NBAS: variants seen among roughly 807,000 people sequenced by gnomAD.
NBAS encodes NAG/BC035112 fusion.
In NBAS, 219 loss-of-function variants were observed where a neutral mutation model predicts 302.5. The observed-to-expected ratio is 0.72, with a 90% CI of 0.65 to 0.81. NBAS has a LOEUF of 0.81. NBAS is among the 30% of genes least tolerant of loss of function. The pLI, the probability that NBAS is intolerant of heterozygous loss-of-function variation, is 0.00. For synonymous variants in NBAS, 1,118 were observed against 1,021.6 expected, an observed-to-expected ratio of 1.09 and a Z score of -1.80; for missense variants, 2,932 against 2,841.6, an observed-to-expected ratio of 1.03 and a Z score of -0.72.
At position 15,484,765 on chromosome 2, in the gene NBAS, A is replaced by C. The variant is rs141637984; in HGVS notation, c.1083+4129T>G. The stretch of plus-strand genomic sequence containing the variant: ...TCCCTTGGAAGCCTGTGAATATCTT[A>C]AGAGCAGGGACTATGACACTGTATT... On this transcript the variant is annotated intron_variant, in intron 12 of 51. Transcript: ENST00000281513. Among the ~76,000 whole-genome samples, 185 of 152,306 alleles carry C rather than the reference A, an allele frequency of 1.2e-3. No individual in the cohort carries two copies. The East Asian group carries it at 0.02, about 16-fold the overall frequency.
chr2:15,075,628 TC>T, the NBAS span, among the ~76,000 whole-genome samples: 1 of 152,188 alleles, frequency 6.6e-6, no homozygotes, highest in African/African-American at 2.4e-5. Flanking sequence ...CTTTTGTGAG[TC>T]CCCAAAATCC....
the NBAS span, among the ~76,000 whole-genome samples, chr2:15,014,019 C>A: frequency 2.4e-4 from 36 of 151,884 alleles, no homozygotes; most frequent in African/African-American, 8.2e-4. Flanking sequence ...AATCAGACAA[C>A]ACAGACTTTA....
At chr2:15,216,848 C>T (rs1316038374) in intron 48 of NBAS, among the ~76,000 whole-genome samples, 2 of 152,138 alleles carry the variant, frequency 1.3e-5, no homozygotes, top group Non-Finnish European at 2.9e-5. Context: ...GAGGCTCTAA[C>T]CAGAGAAATC....
chr2:15,399,030 A>G (rs1433466063), intron 26 of NBAS, among the ~76,000 whole-genome samples: 1 of 152,218 alleles, frequency 6.6e-6, no homozygotes, highest in Non-Finnish European at 1.5e-5. Context: ...TAACATCTAC[A>G]TAAAAAAAGT....
chr2:15,502,828 T>C (rs777329147), intron 11 of NBAS, among the ~76,000 whole-genome samples: 1 of 152,226 alleles, frequency 6.6e-6, no homozygotes, highest in Non-Finnish European at 1.5e-5. Flanking sequence ...CTTTCCTCAA[T>C]AATAAATTAG....
intron 25 of NBAS, among the ~76,000 whole-genome samples, chr2:15,413,820 G>T (rs1466462779): frequency 1.3e-5 from 2 of 152,152 alleles, no homozygotes; most frequent in Non-Finnish European, 2.9e-5. Context: ...CAGAAGCTGG[G>T]TTGGAAAGGA....
intron 33 of NBAS, 111 bp from the exon 34 acceptor site, chr2:15,353,821 A>G (rs770920524): frequency 2.5e-5 from 32 of 1,277,664 alleles, no homozygotes; most frequent in Non-Finnish European, 3.6e-5. Flanking sequence ...AAGCAAAATC[A>G]TAGTCATTAG....
At chr2:14,862,017 C>T in the NBAS span, among the ~76,000 whole-genome samples, 1 of 152,160 alleles carries the variant, frequency 6.6e-6, no homozygotes, top group East Asian at 1.9e-4. Context: ...TGATAAATGC[C>T]TAAGAAGCAA....
the NBAS span, among the ~76,000 whole-genome samples, chr2:15,034,298 A>AAG: frequency 3.8e-5 from 5 of 132,672 alleles, no homozygotes; most frequent in East Asian, 2.4e-4. Context: ...GAAAGAAAGA[A>AAG]AGAAAGATGG....
intron 30 of NBAS, among the ~76,000 whole-genome samples, chr2:15,379,186 GTC>G (rs1328937856): frequency 8.1e-6 from 1 of 124,004 alleles, no homozygotes; most frequent in Admixed American, 8.7e-5. Flanking sequence ...CAGGTCCCTT[GTC>G]TCTCTCTCTT....
rs1242351550 is a variant in NBAS, at chr2:15,501,326, A to AT, written c.954+2818dup. 4.6e-5 allele frequency among the ~76,000 whole-genome samples: 7 copies of AT among 152,188 alleles called. No individual in the cohort carries two copies. The South Asian group carries it at 1.4e-3, about 31-fold the overall frequency. On this transcript the variant is annotated intron_variant, in intron 11 of 51. Transcript: ENST00000281513. ...ATTATATGCCAGACAATGAGAAGTTATTTTTTAAAGCCACGTAAGTTTGGG... is the reference window on the plus strand; with the variant it reads ...ATTATATGCCAGACAATGAGAAGTTATTTTTTTAAAGCCACGTAAGTTTGGG...
At chr2:15,078,492 G>A in the NBAS span, among the ~76,000 whole-genome samples, 1 of 152,302 alleles carries the variant, frequency 6.6e-6, no homozygotes, top group Non-Finnish European at 1.5e-5. Context: ...TGAGAGAGAA[G>A]GTGAGAAAGG....
chr2:15,040,270 G>C, the NBAS span, among the ~76,000 whole-genome samples: 2 of 152,280 alleles, frequency 1.3e-5, no homozygotes, highest in East Asian at 3.9e-4. Context: ...GCAAGGTAAG[G>C]CTTATTACAG....
intron 32 of NBAS, among the ~76,000 whole-genome samples, chr2:15,358,281 G>GT (rs1167361918): frequency 2.6e-5 from 4 of 151,890 alleles, no homozygotes; most frequent in Non-Finnish European, 5.9e-5. Context: ...AATCCCTACC[G>GT]TTTTTTTCAG....
At chr2:14,910,456 T>C in the NBAS span, among the ~76,000 whole-genome samples, 1 of 152,174 alleles carries the variant, frequency 6.6e-6, no homozygotes, top group Non-Finnish European at 1.5e-5. Context: ...AGAGAGTTTC[T>C]TTTTCAGCGT....
At chr2:15,467,916 A>G (rs374770703) in intron 17 of NBAS, 112 bp from the exon 18 acceptor site, 10 of 1,008,802 alleles carry the variant, frequency 9.9e-6, no homozygotes, top group Non-Finnish European at 1.3e-5. Context: ...AAAACAGAAG[A>G]AAGTATTTGA....
intron 21 of NBAS, among the ~76,000 whole-genome samples, chr2:15,460,557 A>G (rs1320733142): frequency 6.6e-6 from 1 of 152,208 alleles, no homozygotes; most frequent in Non-Finnish European, 1.5e-5. Flanking sequence ...TTTTTGAGCT[A>G]TGCAGTGAGA....
chr2:15,361,200 G>A (rs1380047739), intron 32 of NBAS, among the ~76,000 whole-genome samples: 2 of 152,080 alleles, frequency 1.3e-5, no homozygotes, highest in Admixed American at 6.6e-5. Flanking sequence ...TGTGCAGTAC[G>A]ACTGTAAATT....
At chr2:15,337,697 T>A (rs1030542391) in intron 35 of NBAS, among the ~76,000 whole-genome samples, 1 of 152,120 alleles carries the variant, frequency 6.6e-6, no homozygotes, top group Non-Finnish European at 1.5e-5. Flanking sequence ...ATGAGAATCA[T>A]GAAAGAGAAA....
Sources: allele counts gnomAD v4.1 joint callset (sites outside exome capture counted in the v4.1 genomes callset), GRCh38; gene constraint gnomAD v4.1.1; transcripts MANE v1.5; gene names NCBI Gene and HGNC (gene_info 2026-07-23, HGNC 2026-07-21).